The following PRLR variants were observed in gnomAD, a reference collection of about 807,000 sequenced individuals.
PRLR encodes the protein prolactin receptor.
Under a neutral mutation model 40.2 loss-of-function variants are expected in PRLR, and 13 were observed. The ratio of observed to expected loss-of-function variants is 0.32; its 90% CI spans 0.21 to 0.51. PRLR has a LOEUF of 0.51. Among genes scored for constraint, PRLR ranks in the 20% least tolerant of loss-of-function variants. The pLI is 0.97. For missense variants in PRLR, 656 were observed against 747.3 expected (o/e 0.88, Z 1.42); for synonymous variants, 269 against 278.7 (o/e 0.97, Z 0.35).
chr5:35,065,581 T>A lies in PRLR; in HGVS notation c.1377A>T (p.Leu459Phe). ...TLLNEAGKDA[L>F]KSSQTIKSRE... Reference sequence around the variant, plus strand: ...TAGACTTAATGGTTTGAGAGGATTTTAAAGCATCTTTACCTGCTTCATTCA... The same window carrying A: ...TAGACTTAATGGTTTGAGAGGATTTAAAAGCATCTTTACCTGCTTCATTCA... Residue 459 changes from leucine to phenylalanine, a missense_variant, in exon 10 of 10, where the codon TTA (leucine) becomes TTT (phenylalanine). Leu to Phe is a conservative substitution (Grantham distance 22, BLOSUM62 0). Transcript: ENST00000618457. 6.2e-7 allele frequency: 1 copy of A among 1,614,132 alleles called. No individual in the cohort carries two copies. Among genetic ancestry groups the A allele is most frequent in the Non-Finnish European group, 8.5e-7 (1 of 1,180,024 alleles).
chr5:35,215,115 C>A (rs1329491225), intron 1 of PRLR, among the ~76,000 whole-genome samples: 4 of 152,152 alleles, frequency 2.6e-5, no homozygotes, highest in African/African-American at 7.2e-5. Flanking sequence ...GGATTGCTGG[C>A]TCCCTGAAAA....
chr5:35,107,725 C>T (rs1344816871), intron 2 of PRLR, among the ~76,000 whole-genome samples: 1 of 152,062 alleles, frequency 6.6e-6, no homozygotes, highest in Admixed American at 6.6e-5. Context: ...GAAATCGAGG[C>T]AATAATTAAT....
At chr5:35,165,106 T>A (rs1453468672) in intron 1 of PRLR, among the ~76,000 whole-genome samples, 1 of 152,240 alleles carries the variant, frequency 6.6e-6, no homozygotes, top group African/African-American at 2.4e-5. Context: ...TTCTACAATG[T>A]GAAGACTTAG....
intron 1 of PRLR, among the ~76,000 whole-genome samples, chr5:35,185,072 C>T (rs1458977474): frequency 6.6e-6 from 1 of 152,236 alleles, no homozygotes; most frequent in Non-Finnish European, 1.5e-5. Flanking sequence ...GTGAAGCATC[C>T]TTTAGCTTTC....
At chr5:35,161,470 T>G (rs1050081870) in intron 1 of PRLR, among the ~76,000 whole-genome samples, 1 of 152,222 alleles carries the variant, frequency 6.6e-6, no homozygotes, top group African/African-American at 2.4e-5. Flanking sequence ...ACAGCATTGT[T>G]GTTTTATGAG....
chr5:35,101,988 C>T (rs55648130), intron 2 of PRLR, among the ~76,000 whole-genome samples: 8,008 of 151,794 alleles, frequency 0.053, 497 homozygotes, highest in East Asian at 0.18. Flanking sequence ...CCACCATGCC[C>T]AGCTAATTTT....
intron 1 of PRLR, among the ~76,000 whole-genome samples, chr5:35,126,747 C>T (rs1773482953): frequency 6.6e-6 from 1 of 152,130 alleles, no homozygotes; most frequent in Admixed American, 6.6e-5. Flanking sequence ...TGAATGTACA[C>T]AGTATCTAGG....
intron 2 of PRLR, among the ~76,000 whole-genome samples, chr5:35,110,493 T>G (rs1018444131): frequency 2.6e-5 from 4 of 152,128 alleles, no homozygotes; most frequent in Non-Finnish European, 5.9e-5. Context: ...TCCTCCCCTA[T>G]CAGTTGTCAT....
intron 1 of PRLR, among the ~76,000 whole-genome samples, chr5:35,229,256 T>C (rs892643610): frequency 1.3e-5 from 2 of 151,926 alleles, no homozygotes; most frequent in Non-Finnish European, 2.9e-5. Flanking sequence ...AGCACTTCCC[T>C]GGTCAAGTGA....
rs150634282 is a variant in PRLR at position 35,185,551 on chromosome 5, G to A, written c.-106+44717C>T. Reference sequence around the variant, plus strand: ...TGGGGTCCTGAGGAGGAACCCAGTGGGGACAAAAATCCCCATGGCAACGTA... The same window carrying A: ...TGGGGTCCTGAGGAGGAACCCAGTGAGGACAAAAATCCCCATGGCAACGTA... On this transcript the variant is annotated intron_variant, in intron 1 of 9. Coordinates refer to ENST00000618457, the MANE Select transcript of PRLR (RefSeq NM_000949.7). Among the ~76,000 whole-genome samples, 569 of 152,186 alleles carry A rather than the reference G, an allele frequency of 3.7e-3. 8 individuals are homozygous for A. The highest frequency in any genetic ancestry group is 0.013 in the African/African-American group (554 of 41,516).
chr5:35,216,924 A>T (rs868846990), intron 1 of PRLR, among the ~76,000 whole-genome samples: 2 of 152,182 alleles, frequency 1.3e-5, no homozygotes, highest in Non-Finnish European at 2.9e-5. Flanking sequence ...CTTGACCAAG[A>T]AGTCTATGTT....
intron 1 of PRLR, among the ~76,000 whole-genome samples, chr5:35,228,491 T>C (rs1246829939): frequency 1.3e-5 from 2 of 152,206 alleles, no homozygotes; most frequent in Non-Finnish European, 2.9e-5. Flanking sequence ...CTACTCATAC[T>C]ATGCCTCAGG....
intron 1 of PRLR, among the ~76,000 whole-genome samples, chr5:35,135,089 T>TG (rs1773811642): frequency 2.9e-5 from 4 of 136,954 alleles, no homozygotes; most frequent in Non-Finnish European, 6.0e-5. Context: ...TAGAGATTTG[T>TG]GTTTTTTTTT....
chr5:35,226,752 A>C (rs1410532282), intron 1 of PRLR, among the ~76,000 whole-genome samples: 1 of 151,934 alleles, frequency 6.6e-6, no homozygotes, highest in African/African-American at 2.4e-5. Context: ...TTCAGCCTCT[A>C]TTTTCTTCAT....
intron 1 of PRLR, among the ~76,000 whole-genome samples, chr5:35,150,551 G>A (rs960452185): frequency 1.3e-5 from 2 of 152,176 alleles, no homozygotes; most frequent in African/African-American, 2.4e-5. Context: ...TTATAAGACA[G>A]TTAATTGCCA....
intron 1 of PRLR, among the ~76,000 whole-genome samples, chr5:35,214,727 C>A (rs1482374141): frequency 6.6e-6 from 1 of 152,180 alleles, no homozygotes; most frequent in Admixed American, 6.5e-5. Flanking sequence ...TTGCTTCTAA[C>A]CTCACAGGCT....
Position 35,063,384 on chromosome 5 carries a change from T to C in PRLR, c.*1705A>G, listed in dbSNP as rs577523156. The C allele has an allele frequency of 6.6e-6, 1 of 152,182 alleles. No homozygotes were observed. The highest frequency in any genetic ancestry group is 1.5e-5 in the Non-Finnish European group (1 of 67,996). 9.4% of individuals were successfully genotyped at this position (152,182 alleles called of 1,614,324 possible). On this transcript the variant is annotated 3_prime_UTR_variant, in exon 10 of 10. Transcript: ENST00000618457. ...AAGTTCTCTATGTCCAGCTAGTAAA[T>C]GGACATATAGAATGGATTTACCATC...
intron 1 of PRLR, among the ~76,000 whole-genome samples, chr5:35,209,838 T>C (rs188961398): frequency 1.7e-3 from 257 of 152,360 alleles, no homozygotes; most frequent in Non-Finnish European, 2.9e-3. Flanking sequence ...TATACTCTTA[T>C]CAACTGCCTT....
chr5:35,080,020 C>T (rs935542575), intron 5 of PRLR, among the ~76,000 whole-genome samples: 4 of 152,162 alleles, frequency 2.6e-5, no homozygotes, highest in African/African-American at 9.7e-5. Flanking sequence ...TTCCTTACAC[C>T]TTATACAAAA....
Sources: allele counts gnomAD v4.1 joint callset (sites outside exome capture counted in the v4.1 genomes callset), GRCh38; gene constraint gnomAD v4.1.1; transcripts MANE v1.5; gene names NCBI Gene and HGNC (gene_info 2026-07-23, HGNC 2026-07-21).